The following UBR3 variants were observed in gnomAD, a reference collection of about 807,000 sequenced individuals.
UBR3 encodes ubiquitin protein ligase E3 component n-recognin 3.
In UBR3, 85 loss-of-function variants were observed where a neutral mutation model predicts 243.2. The observed-to-expected ratio is 0.35, with a 90% CI of 0.29 to 0.42. UBR3 has a LOEUF of 0.42. UBR3 is among the 10% of genes least tolerant of loss of function. The pLI is 1.00. For synonymous variants in UBR3, 748 were observed against 799.8 expected (o/e 0.94, Z 1.09); for missense variants, 1,686 against 2,300.8 (o/e 0.73, Z 5.47).
intron 24 of UBR3, among the ~76,000 whole-genome samples, chr2:169,985,904 A>G (rs1245911793): frequency 1.3e-5 from 2 of 152,178 alleles, no homozygotes; most frequent in Non-Finnish European, 2.9e-5. Context: ...TTCATAAAGC[A>G]CTTCTGCTTC....
intron 15 of UBR3, 44 bp from the exon 16 acceptor site, chr2:169,926,794 T>G (rs934330644): frequency 2.6e-5 from 40 of 1,544,188 alleles, no homozygotes; most frequent in East Asian, 2.0e-4. Context: ...CAGTTAATTT[T>G]GTTTTAATTT....
chr2:169,941,090 A>C (rs1242686909), intron 19 of UBR3, among the ~76,000 whole-genome samples: 1 of 152,172 alleles, frequency 6.6e-6, no homozygotes, highest in Non-Finnish European at 1.5e-5. Flanking sequence ...TTCTGATGAC[A>C]TGTTGTTAGA....
chr2:169,850,079 A>G (rs1426879978), intron 1 of UBR3, among the ~76,000 whole-genome samples: 2 of 149,558 alleles, frequency 1.3e-5, no homozygotes, highest in African/African-American at 4.9e-5. Context: ...GCCTTCCAGT[A>G]GGAGAGAGTT....
chr2:169,840,930 G>A (rs925651377), intron 1 of UBR3, among the ~76,000 whole-genome samples: 3 of 152,120 alleles, frequency 2.0e-5, no homozygotes, highest in African/African-American at 7.2e-5. Flanking sequence ...GTGGTGCTGT[G>A]CAGCAAGCCC....
intron 19 of UBR3, among the ~76,000 whole-genome samples, chr2:169,941,764 G>A (rs1281129901): frequency 6.6e-6 from 1 of 152,148 alleles, no homozygotes; most frequent in Admixed American, 6.5e-5. Context: ...GCTTTGGAAC[G>A]TGTTCCCTGA....
intron 31 of UBR3, among the ~76,000 whole-genome samples, chr2:170,039,994 A>G (rs564599852): frequency 6.6e-6 from 1 of 152,000 alleles, no homozygotes; most frequent in African/African-American, 2.4e-5. Context: ...TCAGCCTCCC[A>G]TGCCTATTGG....
intron 30 of UBR3, among the ~76,000 whole-genome samples, chr2:170,018,645 A>G (rs918057920): frequency 2.6e-5 from 4 of 152,306 alleles, no homozygotes; most frequent in Admixed American, 1.3e-4. Context: ...GATCATATCT[A>G]TCTGCTGGAA....
Position 169,827,765 on chromosome 2 carries a change from C to G in UBR3, c.258C>G (p.Ala86=). 2.3e-6 allele frequency: 3 copies of G among 1,310,790 alleles called. No homozygotes were observed. The highest frequency in any genetic ancestry group is 2.3e-5 in the South Asian group (1 of 43,648). 81.2% of individuals were successfully genotyped at this position (1,310,790 alleles called of 1,614,324 possible). ...AAGGGGGPGA[A]EEEALEWCKC... ...GAGGCGGGGGCGGTCCGGGGGCGGC[C>G]GAGGAGGAGGCCCTGGAGTGGTGTA... Residue 86 remains alanine (A), a synonymous_variant, in exon 1 of 39, where the codon GCC becomes GCG. Transcript: ENST00000272793.
chr2:170,062,089 G>A (rs530270594), intron 35 of UBR3, among the ~76,000 whole-genome samples: 2 of 152,162 alleles, frequency 1.3e-5, no homozygotes, highest in Non-Finnish European at 2.9e-5. Context: ...ATGTTGGTCA[G>A]AAAACCGGTT....
chr2:170,035,591 T>G (rs2090803868), intron 31 of UBR3, among the ~76,000 whole-genome samples: 1 of 152,024 alleles, frequency 6.6e-6, no homozygotes, highest in Non-Finnish European at 1.5e-5. Context: ...TGAAGTCAGG[T>G]AGTGTCAGTC....
chr2:170,066,993 T>TAATAATAATAATAATCATAATAATAAA (rs71006067), intron 35 of UBR3, among the ~76,000 whole-genome samples: 1 of 144,228 alleles, frequency 6.9e-6, no homozygotes, highest in Non-Finnish European at 1.5e-5. Flanking sequence ...ATAATAATAA[T>TAATAATAATAATAATCATAATAATAAA]AAACTTCATT....
At chr2:169,886,053 A>C (rs1364003418) in intron 5 of UBR3, among the ~76,000 whole-genome samples, 3 of 151,070 alleles carry the variant, frequency 2.0e-5, no homozygotes, top group African/African-American at 7.3e-5. Context: ...TCAACTGGGG[A>C]GGCTGAGGCA....
At chr2:170,043,394 A>G (rs2091013850) in intron 32 of UBR3, among the ~76,000 whole-genome samples, 1 of 152,222 alleles carries the variant, frequency 6.6e-6, no homozygotes, top group African/African-American at 2.4e-5. Context: ...AGGATGCAAT[A>G]CATGAAATTA....
At position 169,928,755 on chromosome 2, in the gene UBR3, G is replaced by A. The variant is rs2086005052; in HGVS notation, c.2453G>A (p.Gly818Asp). The change falls in exon 18 of 39, where the codon GGC becomes GAC. Residue 818 changes from glycine to aspartate, a missense_variant. Physicochemically the swap from Gly to Asp is moderately conservative, Grantham distance 94. Coordinates refer to ENST00000272793, the MANE Select transcript of UBR3 (RefSeq NM_172070.4). ...CCAGAAAATCCTAATCCCAAAAGTGGCATTATTCCAGGCAGTTACAGCTTT... is the reference window on the plus strand; with the variant it reads ...CCAGAAAATCCTAATCCCAAAAGTGACATTATTCCAGGCAGTTACAGCTTT... ...LIPENPNPKS[G>D]IIPGSYSFES... is the part of the protein sequence containing the mutation. 1.3e-6 allele frequency: 2 copies of A among 1,491,230 alleles called. No individual in the cohort carries two copies. The highest frequency in any genetic ancestry group is 1.8e-6 in the Non-Finnish European group (2 of 1,105,042). The allele number at this position is 1,491,230 out of a possible 1,614,324, so 92.4% of individuals were successfully genotyped here.
chr2:169,872,020 T>C (rs1222831428), intron 1 of UBR3, among the ~76,000 whole-genome samples: 1 of 152,148 alleles, frequency 6.6e-6, no homozygotes, highest in East Asian at 1.9e-4. Flanking sequence ...GGAGTTTAAC[T>C]ATTAATAGTA....
At chr2:170,008,672 A>G (rs1399546002) in intron 28 of UBR3, 132 bp from the exon 29 acceptor site, 1 of 506,294 alleles carries the variant, frequency 2.0e-6, no homozygotes, top group Non-Finnish European at 3.4e-6. Context: ...ATATATTTAT[A>G]ATAGATAATG....
chr2:169,838,836 G>A (rs2082200677), intron 1 of UBR3, among the ~76,000 whole-genome samples: 1 of 152,122 alleles, frequency 6.6e-6, no homozygotes, highest in African/African-American at 2.4e-5. Context: ...TTCATCCTGT[G>A]GCAGATTTCT....
intron 18 of UBR3, among the ~76,000 whole-genome samples, chr2:169,930,091 T>C (rs1015586577): frequency 6.6e-6 from 1 of 152,180 alleles, no homozygotes; most frequent in African/African-American, 2.4e-5. Context: ...TGCTGTGGTG[T>C]AGTGCAGTGC....
intron 24 of UBR3, among the ~76,000 whole-genome samples, chr2:169,973,319 T>C (rs1161768443): frequency 6.9e-6 from 1 of 145,008 alleles, no homozygotes; most frequent in East Asian, 2.0e-4. Context: ...AGAATCAGTA[T>C]TGTGAAAATG....
Sources: gnomAD v4.1 joint callset for allele counts (sites outside exome capture counted in the v4.1 genomes callset) on GRCh38, gnomAD v4.1.1 for gene constraint, MANE v1.5 for transcripts, NCBI Gene and HGNC (gene_info 2026-07-23, HGNC 2026-07-21) for gene names.